Variants in ARNT observed in about 807,000 individuals in gnomAD.
ARNT encodes class E basic helix-loop-helix protein 2.
In ARNT, 30 loss-of-function variants were observed where a neutral mutation model predicts 105.0. That is an observed-to-expected ratio of 0.29 (90% CI 0.21 to 0.39). The LOEUF (loss-of-function observed/expected upper bound fraction) is 0.39, where lower values mean the gene tolerates loss of function less well. Ranked by LOEUF, ARNT falls within the 10% of genes least tolerant of loss-of-function variation. The pLI is 1.00. For missense variants in ARNT, 748 were observed against 978.7 expected, an observed-to-expected ratio of 0.76 and a Z score of 3.15; for synonymous variants, 304 against 344.0, an observed-to-expected ratio of 0.88 and a Z score of 1.29.
chr1:150,829,433 T>G (rs372391759), intron 11 of ARNT: 31 of 612,654 alleles, frequency 5.1e-5, no homozygotes, highest in East Asian at 3.1e-4. Context: ...CATTTACACT[T>G]TACCAAGTTA....
chr1:150,837,624 A>G (rs1166610912), intron 6 of ARNT, among the ~76,000 whole-genome samples: 2 of 152,112 alleles, frequency 1.3e-5, no homozygotes, highest in Non-Finnish European at 2.9e-5. Flanking sequence ...TTAAATGTAG[A>G]CATTTCCAAA....
chr1:150,860,626 C>T (rs909229145), intron 1 of ARNT, among the ~76,000 whole-genome samples: 5 of 151,932 alleles, frequency 3.3e-5, no homozygotes, highest in Non-Finnish European at 5.9e-5. Flanking sequence ...GAGGCCAAGG[C>T]GGGCATATCA....
At chr1:150,870,831 A>C (rs1667310300) in intron 1 of ARNT, among the ~76,000 whole-genome samples, 2 of 151,956 alleles carry the variant, frequency 1.3e-5, no homozygotes, top group Non-Finnish European at 2.9e-5. Flanking sequence ...TTGAATCCAT[A>C]AACTTACTTG....
rs1654814469 is a variant in ARNT, at chr1:150,811,981, G to T, written c.*40C>A. On this transcript the variant is annotated 3_prime_UTR_variant, in exon 22 of 22. Coordinates refer to ENST00000358595, the MANE Select transcript of ARNT (RefSeq NM_001668.4). ...GATTTGCTTTTTAAAAACAAACAGT[G>T]ATTTTTTCTCCCCCACCCCTTATCC... 1 of 1,387,202 alleles carries T rather than the reference G, an allele frequency of 7.2e-7. No homozygotes were observed. Among genetic ancestry groups the T allele is most frequent in the South Asian group, 1.6e-5 (1 of 60,798 alleles). The allele number at this position is 1,387,202 out of a possible 1,614,324, so 85.9% of individuals were successfully genotyped here. A position where few individuals can be genotyped will look rare whatever the true frequency, so the allele number is the denominator to read the frequency against.
intron 18 of ARNT, 39 bp from the exon 19 acceptor site, chr1:150,816,445 G>C (rs1253565786): frequency 2.5e-6 from 4 of 1,584,926 alleles, no homozygotes; most frequent in East Asian, 4.6e-5. Context: ...TAAAAGGATA[G>C]ATTTATCACA....
chr1:150,850,580 A>C (rs1369553764), intron 3 of ARNT, among the ~76,000 whole-genome samples: 1 of 152,194 alleles, frequency 6.6e-6, no homozygotes, highest in Middle Eastern at 3.2e-3. Flanking sequence ...TCGTTCACTC[A>C]GTGCTCAATG....
intron 3 of ARNT, among the ~76,000 whole-genome samples, chr1:150,849,249 G>C (rs1662851304): frequency 6.6e-6 from 1 of 151,868 alleles, no homozygotes; most frequent in African/African-American, 2.4e-5. Flanking sequence ...TTAAATCTGG[G>C]CACCCACACA....
At chr1:150,859,449 T>G (rs976861044) in intron 1 of ARNT, among the ~76,000 whole-genome samples, 2 of 151,658 alleles carry the variant, frequency 1.3e-5, no homozygotes, top group Non-Finnish European at 2.9e-5. Flanking sequence ...CGGGCTCCAG[T>G]GATCCTCCTG....
rs866466241 is a variant in ARNT at position 150,851,094 on chromosome 1, G to A, written c.182+1668C>T. 1.8e-4 allele frequency among the ~76,000 whole-genome samples: 26 copies of A among 147,496 alleles called. No individual in the cohort carries two copies. The East Asian group carries it at 2.7e-3, about 15-fold the overall frequency. On this transcript the variant is annotated intron_variant, in intron 3 of 21. Transcript: ENST00000358595. ...TGAGGAGCCCCTCCGCCCCGCAGCC[G>A]CCCCGTCCGGGAAGTGAGGAGCATC...
chr1:150,866,398 C>T (rs1666597494), intron 1 of ARNT, among the ~76,000 whole-genome samples: 1 of 152,176 alleles, frequency 6.6e-6, no homozygotes, highest in Non-Finnish European at 1.5e-5. Flanking sequence ...ATAGGATATT[C>T]TCTATCTGAT....
intron 5 of ARNT, 168 bp downstream of exon 5, chr1:150,842,256 G>C (rs1661421335): frequency 1.0e-6 from 1 of 985,160 alleles, no homozygotes; most frequent in Non-Finnish European, 1.2e-6. Context: ...CTTTCTGATG[G>C]GGGAAGCCAA....
At chr1:150,865,024 CA>C (rs944732807) in intron 1 of ARNT, among the ~76,000 whole-genome samples, 1 of 150,776 alleles carries the variant, frequency 6.6e-6, no homozygotes, top group African/African-American at 2.4e-5. Flanking sequence ...GTCTGAGTAA[CA>C]AGATGAAAAT....
intron 1 of ARNT, among the ~76,000 whole-genome samples, chr1:150,875,278 T>TA (rs914102279): frequency 2.0e-5 from 3 of 151,012 alleles, no homozygotes; most frequent in Admixed American, 1.3e-4. Context: ...TTTAAAAGAT[T>TA]AAAAAAAAAT....
intron 1 of ARNT, among the ~76,000 whole-genome samples, chr1:150,869,408 C>T (rs1329056280): frequency 1.3e-5 from 2 of 151,594 alleles, no homozygotes; most frequent in Admixed American, 6.6e-5. Flanking sequence ...ACCTGGGAGG[C>T]GGAGCTTGCA....
Position 150,810,365 on chromosome 1 carries a change from T to C in ARNT, c.*1656A>G, listed in dbSNP as rs143089976. On this transcript the variant is annotated 3_prime_UTR_variant, in exon 22 of 22. Coordinates refer to ENST00000358595, the MANE Select transcript of ARNT (RefSeq NM_001668.4). ...CGATTATTAAAAAACAAGGGTTCCA[T>C]TGGAAACTCAACTTTTTGGTTTCGT... is the stretch of plus-strand genomic sequence containing the variant. The C allele has an allele frequency of 1.8e-5, 4 of 227,266 alleles. No individual in the cohort carries two copies. Among genetic ancestry groups the C allele is most frequent in the African/African-American group, 2.2e-5 (1 of 45,124 alleles). 14.1% of individuals were successfully genotyped at this position (227,266 alleles called of 1,614,324 possible). A position where few individuals can be genotyped will look rare whatever the true frequency, so the allele number is the denominator to read the frequency against.
chr1:150,834,783 T>A (rs1659997481), intron 7 of ARNT, 143 bp from the exon 8 acceptor site: 1 of 604,210 alleles, frequency 1.7e-6, no homozygotes, highest in South Asian at 2.3e-5. Flanking sequence ...AAGCAGGAGA[T>A]GAATTTTTTT....
rs1219374420 is a variant in ARNT at position 150,850,169 on chromosome 1, C to T, written c.182+2593G>A. On this transcript the variant is annotated intron_variant, in intron 3 of 21. Coordinates refer to ENST00000358595, the MANE Select transcript of ARNT (RefSeq NM_001668.4). ...TTGGGAGGCCGAGGAGGGCGGATCA[C>T]GAGGTCAAGAGATCGAGACCATCCT... is the stretch of plus-strand genomic sequence containing the variant. Among the ~76,000 whole-genome samples, 3 of 152,278 alleles carry T rather than the reference C, an allele frequency of 2.0e-5. No homozygotes were observed. The East Asian group carries it at 5.8e-4, about 29-fold the overall frequency.
At chr1:150,848,694 A>G (rs1287490773) in intron 3 of ARNT, among the ~76,000 whole-genome samples, 1 of 151,886 alleles carries the variant, frequency 6.6e-6, no homozygotes, top group African/African-American at 2.4e-5. Flanking sequence ...ACTTCCAGCT[A>G]ATTTTTGTAA....
At chr1:150,823,653 C>A (rs898133702) in intron 13 of ARNT, among the ~76,000 whole-genome samples, 1 of 151,396 alleles carries the variant, frequency 6.6e-6, no homozygotes, top group Non-Finnish European at 1.5e-5. Context: ...CGGGTTCAAG[C>A]GATTTTCTTG....
Sources: allele counts gnomAD v4.1 joint callset (sites outside exome capture counted in the v4.1 genomes callset), GRCh38; gene constraint gnomAD v4.1.1; transcripts MANE v1.5; gene names NCBI Gene and HGNC (gene_info 2026-07-23, HGNC 2026-07-21).